CHERP: variants seen among roughly 807,000 people sequenced by gnomAD.
CHERP encodes calcium homeostasis endoplasmic reticulum protein, also known as ERPROT 213-21.
In CHERP, 8 loss-of-function variants were observed where a neutral mutation model predicts 113.8. The ratio of observed to expected loss-of-function variants is 0.07; its 90% CI spans 0.04 to 0.13. The LOEUF (loss-of-function observed/expected upper bound fraction) is 0.13, where lower values mean the gene tolerates loss of function less well. Among genes scored for constraint, CHERP ranks in the 10% least tolerant of loss-of-function variants. CHERP has a pLI of 1.00. For synonymous variants in CHERP, 559 were observed against 524.5 expected (o/e 1.07, Z -0.90); for missense variants, 884 against 1,298.2 (o/e 0.68, Z 4.90).
chr19:16,531,401 C>G (rs1052184544), intron 5 of CHERP, among the ~76,000 whole-genome samples: 1 of 152,174 alleles, frequency 6.6e-6, no homozygotes, highest in African/African-American at 2.4e-5. Flanking sequence ...GGGGAGGCGC[C>G]GGGCCCATGT....
In CHERP at chr19:16,520,593, A is replaced by G. The variant is rs1469086067; in HGVS notation, c.2202-86T>C. The stretch of plus-strand genomic sequence containing the variant: ...GGCCCTCAGGTTCCTAGACCACCCC[A>G]GATGCAGGGGCTCTGGCTGTGGATG... On this transcript the variant is annotated intron_variant, in intron 13 of 16. Transcript: ENST00000546361. This position sits in a 1 kb window ranked among gnomAD's most constrained non-coding sequence, Gnocchi z 4.0. 8 of 1,456,412 alleles carry G rather than the reference A, an allele frequency of 5.5e-6. No homozygotes were observed. Among genetic ancestry groups the G allele is most frequent in the Non-Finnish European group, 6.6e-6 (7 of 1,065,256 alleles). The allele number at this position is 1,456,412 out of a possible 1,614,324, so 90.2% of individuals were successfully genotyped here. A position where few individuals can be genotyped will look rare whatever the true frequency, so the allele number is the denominator to read the frequency against.
intron 10 of CHERP, among the ~76,000 whole-genome samples, chr19:16,524,490 A>C (rs903590472): frequency 6.6e-6 from 1 of 150,578 alleles, no homozygotes; most frequent in Non-Finnish European, 1.5e-5. Flanking sequence ...TGGGAGGCGG[A>C]GGTTGCAGTG....
At chr19:16,541,754 C>A (rs2085781519) in intron 2 of CHERP, 116 bp downstream of exon 2, 6 of 1,078,516 alleles carry the variant, frequency 5.6e-6, no homozygotes, top group Non-Finnish European at 8.1e-6. Context: ...GTGGACCGAG[C>A]TGCTCCACTT....
rs969208622 is a variant in CHERP, at chr19:16,533,033, G to A, written c.500C>T (p.Thr167Met). The change falls in exon 4 of 17, where the codon ACG (threonine) becomes ATG (methionine). Residue 167 changes from threonine to methionine, a missense_variant. Around this residue, in one of 8 missense-constraint regions of CHERP, gnomAD observed 73 missense variants for 182.4 expected, o/e 0.40. Transcript: ENST00000546361. ...FDNLLQPIID[T>M]CTKDAISAGK... ...CACCGAGATGGCGTCCTTGGTGCAC[G>A]TGTCGATGATGGGCTGCAGGAGGTT... 3.2e-6 allele frequency: 5 copies of A among 1,568,932 alleles called. No homozygotes were observed. The highest frequency in any genetic ancestry group is 3.5e-6 in the Non-Finnish European group (4 of 1,156,254).
rs1403562626 is a variant in CHERP at position 16,532,865 on chromosome 19, G to A, written c.523-116C>T. 1.3e-6 allele frequency: 2 copies of A among 1,529,160 alleles called. No individual in the cohort carries two copies. Among genetic ancestry groups the A allele is most frequent in the East Asian group, 4.6e-5 (2 of 43,228 alleles). 94.7% of individuals were successfully genotyped at this position (1,529,160 alleles called of 1,614,324 possible). On this transcript the variant is annotated intron_variant, in intron 4 of 16. Coordinates refer to ENST00000546361, the MANE Select transcript of CHERP (RefSeq NM_006387.6). This position sits in a 1 kb window ranked among gnomAD's most constrained non-coding sequence, Gnocchi z 4.4. ...GGAAGGACACACCATGAGCGTGGGG[G>A]GCACAGGGTCCCACAGCCTCAGGAG... is the stretch of plus-strand genomic sequence containing the variant.
At chr19:16,533,925 C>T (rs991842628) in intron 3 of CHERP, among the ~76,000 whole-genome samples, 3 of 152,172 alleles carry the variant, frequency 2.0e-5, no homozygotes, top group East Asian at 1.9e-4. Context: ...GAGGAAACAC[C>T]GGTTAAAGTG....
Position 16,532,509 on chromosome 19 carries a change from A to C in CHERP, c.674+89T>G. 1 of 1,433,426 alleles carries C rather than the reference A, an allele frequency of 7.0e-7. No individual in the cohort carries two copies. Among genetic ancestry groups the C allele is most frequent in the South Asian group, 1.4e-5 (1 of 71,830 alleles). 88.8% of individuals were successfully genotyped at this position (1,433,426 alleles called of 1,614,324 possible). A position where few individuals can be genotyped will look rare whatever the true frequency, so the allele number is the denominator to read the frequency against. On this transcript the variant is annotated intron_variant, in intron 5 of 16. Transcript: ENST00000546361. This position sits in a 1 kb window ranked among gnomAD's most constrained non-coding sequence, Gnocchi z 4.4. ...CCCTAGTCTCGGGACAGGCCAAGCCAAGCTACCGACCGGAGCAAGCGGCCA... is the reference window on the plus strand; with the variant it reads ...CCCTAGTCTCGGGACAGGCCAAGCCCAGCTACCGACCGGAGCAAGCGGCCA...
chr19:16,537,405 G>C (rs2085748806), intron 2 of CHERP, among the ~76,000 whole-genome samples: 1 of 152,026 alleles, frequency 6.6e-6, no homozygotes, highest in African/African-American at 2.4e-5. Flanking sequence ...ACTCATTCCT[G>C]TGGCTGCGAT....
chr19:16,519,134 CCG>C lies in CHERP; in HGVS notation c.*23_*24del. The C allele has an allele frequency of 6.2e-7, 1 of 1,601,194 alleles. No homozygotes were observed. The highest frequency in any genetic ancestry group is 8.5e-7 in the Non-Finnish European group (1 of 1,174,294). ...GTCCCACAGCCGGCACCGCTGGCCA[CCG>C]GCGCGGCTCCCGGCATGGGCGCCTA... On this transcript the variant is annotated 3_prime_UTR_variant, in exon 17 of 17. Coordinates refer to ENST00000546361, the MANE Select transcript of CHERP (RefSeq NM_006387.6). This position sits in a 1 kb window ranked among gnomAD's most constrained non-coding sequence, Gnocchi z 6.0.
chr19:16,533,626 A>AGTGT (rs1266664282), intron 3 of CHERP, among the ~76,000 whole-genome samples: 1 of 151,938 alleles, frequency 6.6e-6, no homozygotes, highest in African/African-American at 2.4e-5. Context: ...TGAGCATGGT[A>AGTGT]GTGTGTGCCT....
Position 16,528,116 on chromosome 19 carries a change from G to C in CHERP, c.1269C>G (p.Asp423Glu). Reference sequence around the variant, plus strand: ...CCCAAGGAGCCACGGGGTGAGGCTGGTCAAACCAAGGGGGCTTGTTTGGTG... The same window carrying C: ...CCCAAGGAGCCACGGGGTGAGGCTGCTCAAACCAAGGGGGCTTGTTTGGTG... Reference protein sequence around the residue: ...QIPPNKPPWFDQPHPVAPWGQ... With the variant: ...QIPPNKPPWFEQPHPVAPWGQ... The change falls in exon 9 of 17, where the codon GAC becomes GAG. Residue 423 changes from aspartate (D) to glutamate (E), a missense_variant. This residue lies in a region of CHERP where 464 missense variants were observed against 590.1 expected (regional missense o/e 0.79). Coordinates refer to ENST00000546361, the MANE Select transcript of CHERP (RefSeq NM_006387.6). The C allele has an allele frequency of 6.2e-7, 1 of 1,613,724 alleles. No individual in the cohort carries two copies. The highest frequency in any genetic ancestry group is 8.5e-7 in the Non-Finnish European group (1 of 1,179,972).
chr19:16,532,449 A>T lies in CHERP; in HGVS notation c.674+149T>A. On this transcript the variant is annotated intron_variant, in intron 5 of 16. Transcript: ENST00000546361. The surrounding 1 kb of genome is among the most constrained non-coding windows in gnomAD (Gnocchi z 4.4). ...TGGAGACAGAAGCCTGGTGGCTCAC[A>T]GAGACCCCCCACCCGGGGTCCCCGG... 1 of 945,076 alleles carries T rather than the reference A, an allele frequency of 1.1e-6. No individual in the cohort carries two copies. The highest frequency in any genetic ancestry group is 1.5e-6 in the Non-Finnish European group (1 of 653,674). 58.5% of individuals were successfully genotyped at this position (945,076 alleles called of 1,614,324 possible). A position where few individuals can be genotyped will look rare whatever the true frequency, so the allele number is the denominator to read the frequency against.
intron 9 of CHERP, among the ~76,000 whole-genome samples, chr19:16,526,923 G>C (rs553968675): frequency 3.3e-5 from 5 of 152,108 alleles, no homozygotes; most frequent in Non-Finnish European, 7.4e-5. Flanking sequence ...CACCATGCCA[G>C]CTTATTTTTA....
In CHERP at chr19:16,520,697, T is replaced by G; in HGVS notation, c.2201+129A>C. The stretch of plus-strand genomic sequence containing the variant: ...TGCTGCTGTGTGAATTCAGGCCTTG[T>G]GGAAAACACCGCCCCATAGGCACAG... On this transcript the variant is annotated intron_variant, in intron 13 of 16. Coordinates refer to ENST00000546361, the MANE Select transcript of CHERP (RefSeq NM_006387.6). The surrounding 1 kb of genome is among the most constrained non-coding windows in gnomAD (Gnocchi z 4.0). 1.7e-6 allele frequency: 2 copies of G among 1,168,982 alleles called. No individual in the cohort carries two copies. The highest frequency in any genetic ancestry group is 1.5e-5 in the African/African-American group (1 of 66,058). The allele number at this position is 1,168,982 out of a possible 1,614,324, so 72.4% of individuals were successfully genotyped here. A position where few individuals can be genotyped will look rare whatever the true frequency, so the allele number is the denominator to read the frequency against.
Position 16,528,126 on chromosome 19 carries a change from G to A in CHERP, c.1259C>T (p.Pro420Leu), listed in dbSNP as rs764715978. 2 of 1,613,804 alleles carry A rather than the reference G, an allele frequency of 1.2e-6. No homozygotes were observed. The highest frequency in any genetic ancestry group is 1.7e-6 in the Non-Finnish European group (2 of 1,179,962). The part of the protein sequence containing the change: ...PHDQIPPNKP[P>L]WFDQPHPVAP... ...CACGGGGTGAGGCTGGTCAAACCAAGGGGGCTTGTTTGGTGGGATCTGGTC... is the reference window on the plus strand; with the variant it reads ...CACGGGGTGAGGCTGGTCAAACCAAAGGGGCTTGTTTGGTGGGATCTGGTC... Residue 420 changes from proline to leucine, a missense_variant, in exon 9 of 17, where the codon CCT becomes CTT. Pro to Leu is a moderately conservative substitution (Grantham distance 98, BLOSUM62 -3). Around this residue, in one of 8 missense-constraint regions of CHERP, gnomAD observed 464 missense variants for 590.1 expected, o/e 0.79. Coordinates refer to ENST00000546361, the MANE Select transcript of CHERP (RefSeq NM_006387.6).
chr19:16,526,266 T>C (rs2122258031), intron 9 of CHERP: 1 of 152,644 alleles, frequency 6.6e-6, no homozygotes, highest in African/African-American at 2.4e-5. Flanking sequence ...GCTTCTGCTC[T>C]GGAGACTTAA....
intron 12 of CHERP, chr19:16,521,260 C>A: frequency 1.8e-6 from 1 of 568,030 alleles, no homozygotes. Context: ...GGGCTGAGGG[C>A]CCTGTGGCAG....
intron 11 of CHERP, among the ~76,000 whole-genome samples, chr19:16,522,131 G>A (rs1007683120): frequency 1.3e-5 from 2 of 151,998 alleles, no homozygotes; most frequent in Admixed American, 1.3e-4. Flanking sequence ...GCCCCCGCCC[G>A]CAGCTCTCCC....
At chr19:16,538,955 C>T (rs2085758975) in intron 2 of CHERP, among the ~76,000 whole-genome samples, 1 of 151,950 alleles carries the variant, frequency 6.6e-6, no homozygotes, top group Non-Finnish European at 1.5e-5. Context: ...CTCCCTCCCT[C>T]AGGCTCAACC....
Sources: gnomAD v4.1 joint callset for allele counts (sites outside exome capture counted in the v4.1 genomes callset) on GRCh38, gnomAD v4.1.1 for gene constraint, gnomAD v4.1.1 regional missense constraint, Gnocchi (gnomAD v3.1) non-coding constraint, MANE v1.5 for transcripts, NCBI Gene and HGNC (gene_info 2026-07-23, HGNC 2026-07-21) for gene names.